The following SGCZ variants were observed in gnomAD, a reference collection of about 807,000 sequenced individuals.
SGCZ encodes the protein sarcoglycan zeta.
Under a neutral mutation model 41.3 loss-of-function variants are expected in SGCZ, and 40 were observed. The observed-to-expected ratio is 0.97, with a 90% CI of 0.75 to 1.26. SGCZ has a LOEUF of 1.26. SGCZ is among the 50% of genes most tolerant of loss of function. The pLI is 0.00. For synonymous variants in SGCZ, 206 were observed against 137.5 expected (o/e 1.50, Z -3.49); for missense variants, 552 against 369.8 (o/e 1.49, Z -4.04).
intron 1 of SGCZ, among the ~76,000 whole-genome samples, chr8:14,818,991 A>G (rs1404771636): frequency 6.6e-6 from 1 of 152,148 alleles, no homozygotes; most frequent in Non-Finnish European, 1.5e-5. Context: ...CATCTAATGA[A>G]ATAATTTCTG....
rs148153346 is a variant in SGCZ, at chr8:14,930,690, C to T, written c.39+306895G>A. Among the ~76,000 whole-genome samples the T allele has an allele frequency of 4.7e-3, 719 of 152,012 alleles. 10 individuals are homozygous for T. The highest frequency in any genetic ancestry group is 0.024 in the Middle Eastern group (7 of 292). On this transcript the variant is annotated intron_variant, in intron 1 of 7. Transcript: ENST00000382080. ...GATGAGTTCACGTCCTTTGCAGGGA[C>T]ATGGATGACGCTGGAAACCATCATT...
chr8:14,479,228 C>A (rs1045898111), intron 2 of SGCZ, among the ~76,000 whole-genome samples: 2 of 152,264 alleles, frequency 1.3e-5, no homozygotes, highest in African/African-American at 4.8e-5. Flanking sequence ...GGCCAGAGAG[C>A]CCCTGGTAAA....
intron 1 of SGCZ, among the ~76,000 whole-genome samples, chr8:14,973,760 G>A (rs565055982): frequency 2.1e-4 from 32 of 152,236 alleles, no homozygotes; most frequent in Non-Finnish European, 2.5e-4. Flanking sequence ...TCTGAAAGAC[G>A]ACACGTTTTG....
intron 1 of SGCZ, among the ~76,000 whole-genome samples, chr8:14,833,280 G>C (rs1024960742): frequency 2.0e-5 from 3 of 152,112 alleles, no homozygotes; most frequent in African/African-American, 4.8e-5. Flanking sequence ...AGCACCTACA[G>C]AGAGTCATAT....
At chr8:14,920,344 T>A (rs1431295814) in intron 1 of SGCZ, among the ~76,000 whole-genome samples, 9 of 152,344 alleles carry the variant, frequency 5.9e-5, no homozygotes, top group Non-Finnish European at 1.0e-4. Flanking sequence ...TCACTTCAGA[T>A]ACCACTGTCT....
chr8:14,437,074 T>C (rs1800114501), intron 2 of SGCZ, among the ~76,000 whole-genome samples: 2 of 152,214 alleles, frequency 1.3e-5, no homozygotes, highest in South Asian at 4.1e-4. Context: ...CTTTTGGTGA[T>C]ATTAGCATGT....
chr8:15,133,492 T>A (rs1363913297), intron 1 of SGCZ, among the ~76,000 whole-genome samples: 1 of 152,206 alleles, frequency 6.6e-6, no homozygotes, highest in African/African-American at 2.4e-5. Context: ...ACTCTCGTTA[T>A]CTTCCCTGCT....
At chr8:14,421,960 T>C (rs1799649000) in intron 2 of SGCZ, among the ~76,000 whole-genome samples, 1 of 152,154 alleles carries the variant, frequency 6.6e-6, no homozygotes, top group Non-Finnish European at 1.5e-5. Flanking sequence ...AAAATGTTAG[T>C]CATGCTTTAA....
chr8:14,794,347 G>C (rs575678645), intron 1 of SGCZ, among the ~76,000 whole-genome samples: 30 of 152,214 alleles, frequency 2.0e-4, no homozygotes, highest in Non-Finnish European at 4.1e-4. Flanking sequence ...GAAAAAGAGA[G>C]AGATGAGAAA....
chr8:14,574,100 G>A lies in SGCZ; in HGVS notation c.40-19174C>T, dbSNP rs572413124. 4.6e-5 allele frequency among the ~76,000 whole-genome samples: 7 copies of A among 152,244 alleles called. No individual in the cohort carries two copies. In the East Asian group the frequency reaches 1.4e-3, roughly 29 times the overall value. On this transcript the variant is annotated intron_variant, in intron 1 of 7. Transcript: ENST00000382080. ...ATAGATGCTCTAGGAATGTGATCAA[G>A]GGACTGATCACTCTCTAGCTTCACA...
At chr8:14,604,884 G>C (rs910701175) in intron 1 of SGCZ, among the ~76,000 whole-genome samples, 2 of 152,110 alleles carry the variant, frequency 1.3e-5, no homozygotes, top group African/African-American at 2.4e-5. Context: ...TCTCCAAATA[G>C]ACCTTTCAGT....
chr8:14,887,088 A>T (rs141911327), intron 1 of SGCZ, among the ~76,000 whole-genome samples: 5 of 152,246 alleles, frequency 3.3e-5, no homozygotes, highest in Middle Eastern at 3.4e-3. Context: ...GAGGGCCAAG[A>T]CTGTATCATT....
At chr8:14,374,822 C>T (rs1804053536) in intron 2 of SGCZ, among the ~76,000 whole-genome samples, 1 of 152,098 alleles carries the variant, frequency 6.6e-6, no homozygotes, top group African/African-American at 2.4e-5. Context: ...TGTGGAAAAA[C>T]ATTATGGAGT....
chr8:14,924,547 A>G (rs1045607842), intron 1 of SGCZ, among the ~76,000 whole-genome samples: 12 of 150,682 alleles, frequency 8.0e-5, no homozygotes, highest in Middle Eastern at 3.4e-3. Context: ...CAAAAAAAAA[A>G]GCACGCCTTC....
chr8:14,729,347 G>A (rs986012479), intron 1 of SGCZ, among the ~76,000 whole-genome samples: 7 of 152,144 alleles, frequency 4.6e-5, no homozygotes, highest in South Asian at 2.1e-4. Context: ...ATGCTATTGC[G>A]GACTGAAGTG....
At chr8:14,907,598 T>A (rs1163135662) in intron 1 of SGCZ, among the ~76,000 whole-genome samples, 2 of 152,130 alleles carry the variant, frequency 1.3e-5, no homozygotes, top group Non-Finnish European at 2.9e-5. Flanking sequence ...TCCCAGCACT[T>A]TGGGAAGCCA....
chr8:15,201,056 A>G (rs2117133940), intron 1 of SGCZ, among the ~76,000 whole-genome samples: 1 of 152,250 alleles, frequency 6.6e-6, no homozygotes, highest in East Asian at 1.9e-4. Flanking sequence ...TCACTCTGTC[A>G]CCCAGGCTGG....
intron 5 of SGCZ, among the ~76,000 whole-genome samples, chr8:14,138,791 A>G (rs935064313): frequency 2.7e-4 from 41 of 152,204 alleles, no homozygotes; most frequent in African/African-American, 9.9e-4. Context: ...ATGAGACAGA[A>G]AGTTAACAAG....
intron 1 of SGCZ, among the ~76,000 whole-genome samples, chr8:15,083,471 GA>G (rs1375018275): frequency 6.6e-6 from 1 of 151,978 alleles, no homozygotes; most frequent in East Asian, 1.9e-4. Context: ...ATAAACATGG[GA>G]ATCTAGTTAA....
Sources: allele counts gnomAD v4.1 joint callset (sites outside exome capture counted in the v4.1 genomes callset), GRCh38; gene constraint gnomAD v4.1.1; transcripts MANE v1.5; gene names NCBI Gene and HGNC (gene_info 2026-07-23, HGNC 2026-07-21).